Variants in DOCK3 observed in about 807,000 individuals in gnomAD.
The protein encoded by DOCK3 is dedicator of cytokinesis protein 3.
In DOCK3, 60 loss-of-function variants were observed where a neutral mutation model predicts 265.6. The observed-to-expected ratio is 0.23, with a 90% confidence interval of 0.18 to 0.28. DOCK3 has a LOEUF of 0.28. DOCK3 is among the 10% of genes least tolerant of loss of function. The pLI, the probability that DOCK3 is intolerant of heterozygous loss-of-function variation, is 1.00. For missense variants in DOCK3, 1,981 were observed against 2,594.3 expected, an observed-to-expected ratio of 0.76 and a Z score of 5.14; for synonymous variants, 881 against 938.0, an observed-to-expected ratio of 0.94 and a Z score of 1.11.
chr3:50,881,812 A>G (rs1354995755), intron 3 of DOCK3, among the ~76,000 whole-genome samples: 1 of 152,188 alleles, frequency 6.6e-6, no homozygotes, highest in Non-Finnish European at 1.5e-5. Flanking sequence ...TGCCCAGACA[A>G]TCCTCAGCCA....
Position 51,002,409 on chromosome 3 carries a change from T to C in DOCK3, c.316-62039T>C, listed in dbSNP as rs1325743716. Among the ~76,000 whole-genome samples the C allele has an allele frequency of 2.6e-5, 4 of 152,234 alleles. No individual in the cohort carries two copies. The South Asian group carries it at 6.2e-4, about 24-fold the overall frequency. On this transcript the variant is annotated intron_variant, in intron 5 of 52. Transcript: ENST00000266037. The stretch of plus-strand genomic sequence containing the variant: ...TGCCTATAGTTTGTCTTTTCATTTC[T>C]TAGTTGTATCTTCACACAGCAAAAG...
At chr3:51,230,214 A>C (rs1472469521) in intron 19 of DOCK3, among the ~76,000 whole-genome samples, 6 of 152,158 alleles carry the variant, frequency 3.9e-5, no homozygotes, top group Non-Finnish European at 8.8e-5. Flanking sequence ...GATACAAATG[A>C]TCTGATCACT....
chr3:51,056,816 A>G (rs546587198), intron 5 of DOCK3, among the ~76,000 whole-genome samples: 84 of 152,344 alleles, frequency 5.5e-4, no homozygotes, highest in Admixed American at 1.2e-3. Flanking sequence ...GGAATATTCA[A>G]AAAGAAAATG....
intron 5 of DOCK3, among the ~76,000 whole-genome samples, chr3:50,957,167 A>G (rs1424244287): frequency 2.0e-5 from 3 of 152,220 alleles, no homozygotes; most frequent in Non-Finnish European, 4.4e-5. Flanking sequence ...TTATATTTGT[A>G]TATTTATTTG....
chr3:50,735,246 T>C (rs1020709045), intron 1 of DOCK3, among the ~76,000 whole-genome samples: 2 of 152,382 alleles, frequency 1.3e-5, no homozygotes, highest in Middle Eastern at 3.4e-3. Context: ...TCTTTGACTT[T>C]TGAGAACTTG....
chr3:51,010,291 T>C (rs1331823946), intron 5 of DOCK3, among the ~76,000 whole-genome samples: 1 of 152,238 alleles, frequency 6.6e-6, no homozygotes, highest in African/African-American at 2.4e-5. Flanking sequence ...GCTTTATGAA[T>C]CTGGGTGCTC....
chr3:50,854,864 C>A (rs1230942668), intron 3 of DOCK3, among the ~76,000 whole-genome samples: 1 of 151,904 alleles, frequency 6.6e-6, no homozygotes, highest in Non-Finnish European at 1.5e-5. Flanking sequence ...AGCCAGTTTT[C>A]CTAGCACTAT....
intron 22 of DOCK3, 43 bp from the exon 23 acceptor site, chr3:51,260,113 A>G (rs1337786508): frequency 3.2e-6 from 5 of 1,581,420 alleles, no homozygotes; most frequent in Admixed American, 1.8e-5. Flanking sequence ...GTTCCTGAGC[A>G]TCTTCAACAT....
chr3:50,938,258 G>C (rs1238897508), intron 5 of DOCK3, among the ~76,000 whole-genome samples: 2 of 152,008 alleles, frequency 1.3e-5, no homozygotes, highest in African/African-American at 4.8e-5. Context: ...TCTAACAGAG[G>C]TGCAAAATAA....
intron 5 of DOCK3, among the ~76,000 whole-genome samples, chr3:50,964,700 T>C (rs1355801742): frequency 6.6e-6 from 1 of 152,014 alleles, no homozygotes; most frequent in Non-Finnish European, 1.5e-5. Flanking sequence ...GTAGATGAAA[T>C]AGTTAAATAA....
intron 5 of DOCK3, among the ~76,000 whole-genome samples, chr3:51,005,746 T>G (rs1486981552): frequency 6.6e-6 from 1 of 152,172 alleles, no homozygotes; most frequent in Admixed American, 6.6e-5. Flanking sequence ...CATCATCATT[T>G]ATGTGATGGC....
At position 51,190,926 on chromosome 3, in the gene DOCK3, T is replaced by C. The variant is rs1208852671; in HGVS notation, c.1038-17848T>C. ...CCTCTGCAGGTGGTTTACTGGCCAC[T>C]GAGGTAATGTTCCATGGAGGAAGGT... On this transcript the variant is annotated intron_variant, in intron 12 of 52. Transcript: ENST00000266037. Among the ~76,000 whole-genome samples the C allele has an allele frequency of 2.6e-5, 4 of 152,124 alleles. No individual in the cohort carries two copies. The South Asian group carries it at 6.2e-4, about 24-fold the overall frequency.
At chr3:51,267,366 A>C (rs1576598714) in intron 23 of DOCK3, among the ~76,000 whole-genome samples, 2 of 150,744 alleles carry the variant, frequency 1.3e-5, no homozygotes, top group African/African-American at 4.9e-5. Context: ...ACACATGCGC[A>C]CGTATGGTTT....
chr3:51,205,637 A>G (rs953822628), intron 12 of DOCK3, among the ~76,000 whole-genome samples: 2 of 152,024 alleles, frequency 1.3e-5, no homozygotes, highest in Non-Finnish European at 2.9e-5. Context: ...GGGGAGGTGA[A>G]GGCTGCAGTG....
intron 9 of DOCK3, among the ~76,000 whole-genome samples, chr3:51,101,746 C>G (rs2083099204): frequency 6.6e-6 from 1 of 152,042 alleles, no homozygotes; most frequent in Non-Finnish European, 1.5e-5. Flanking sequence ...TCTATAGTTG[C>G]AAAAAAGGCT....
intron 9 of DOCK3, among the ~76,000 whole-genome samples, chr3:51,115,596 C>A (rs1168301359): frequency 6.6e-6 from 1 of 152,120 alleles, no homozygotes; most frequent in African/African-American, 2.4e-5. Flanking sequence ...TGTAGGTTGC[C>A]TGTTCACTCT....
At chr3:51,228,373 T>G (rs2090416721) in intron 17 of DOCK3, among the ~76,000 whole-genome samples, 1 of 152,258 alleles carries the variant, frequency 6.6e-6, no homozygotes, top group Non-Finnish European at 1.5e-5. Flanking sequence ...TAGTACATTC[T>G]TAGACCTGCT....
Position 51,081,931 on chromosome 3 carries a change from G to T in DOCK3, c.549+6491G>T, listed in dbSNP as rs911171347. Among the ~76,000 whole-genome samples, 20 of 150,676 alleles carry T rather than the reference G, an allele frequency of 1.3e-4. 1 individual carries two copies. The highest frequency in any genetic ancestry group is 4.4e-4 in the African/African-American group (18 of 40,960). On this transcript the variant is annotated intron_variant, in intron 7 of 52. Coordinates refer to ENST00000266037, the MANE Select transcript of DOCK3 (RefSeq NM_004947.5). ...AAAAAAAATTCGAAACTGGAGGGTT[G>T]CAGGGGGTGGTATCAAGATGGCTGA...
intron 24 of DOCK3, among the ~76,000 whole-genome samples, 155 bp from the exon 25 acceptor site, chr3:51,274,924 T>C (rs2080727508): frequency 6.6e-6 from 1 of 152,146 alleles, no homozygotes; most frequent in African/African-American, 2.4e-5. Flanking sequence ...GCAGTGAGCT[T>C]TCAGGCCCTT....
Sources: allele counts gnomAD v4.1 joint callset (sites outside exome capture counted in the v4.1 genomes callset), GRCh38; gene constraint gnomAD v4.1.1; transcripts MANE v1.5; gene names NCBI Gene and HGNC (gene_info 2026-07-23, HGNC 2026-07-21).